SPDYA: variants seen among roughly 807,000 people sequenced by gnomAD.
SPDYA encodes the protein speedy protein A.
A neutral mutation model predicts 36.7 loss-of-function variants in SPDYA; 11 were observed. That is an observed-to-expected ratio of 0.30 (90% confidence interval 0.19 to 0.50). SPDYA has a LOEUF of 0.50. SPDYA is among the 20% of genes least tolerant of loss of function. The pLI, the probability that SPDYA is intolerant of heterozygous loss-of-function variation, is 0.98. For synonymous variants in SPDYA, 115 were observed against 118.7 expected (o/e 0.97, Z 0.20); for missense variants, 287 against 370.9 (o/e 0.77, Z 1.86).
At chr2:28,819,682 T>G (rs1004767766) in intron 4 of SPDYA, among the ~76,000 whole-genome samples, 5 of 151,088 alleles carry the variant, frequency 3.3e-5, no homozygotes, top group African/African-American at 1.2e-4. Context: ...AAATTTGTAT[T>G]TGATTGAAAA....
intron 6 of SPDYA, among the ~76,000 whole-genome samples, chr2:28,838,039 AACTGCTACT>A (rs1371990772): frequency 1.3e-5 from 2 of 152,102 alleles, no homozygotes; most frequent in Non-Finnish European, 2.9e-5. Flanking sequence ...CTAGTACATC[AACTGCTACT>A]AGTGTTTCAG....
At chr2:28,838,365 GA>G (rs1668665161) in intron 6 of SPDYA, among the ~76,000 whole-genome samples, 1 of 151,842 alleles carries the variant, frequency 6.6e-6, no homozygotes, top group Non-Finnish European at 1.5e-5. Context: ...ATTTTTAGTA[GA>G]GATGGGGTTT....
intron 7 of SPDYA, among the ~76,000 whole-genome samples, chr2:28,844,830 G>C (rs1442549699): frequency 1.3e-5 from 2 of 151,994 alleles, no homozygotes; most frequent in Admixed American, 6.6e-5. Context: ...CTACTCGGGA[G>C]GCTGAGACAG....
Position 28,850,573 on chromosome 2 carries a change from C to A in SPDYA, c.*632C>A. The stretch of plus-strand genomic sequence containing the variant: ...CAGTTATTATACAGAAACTATTTGT[C>A]AATGATTATGTAATAAACATATGAT... On this transcript the variant is annotated 3_prime_UTR_variant, in exon 8 of 8. Transcript: ENST00000334056. The A allele has an allele frequency of 1.8e-6, 1 of 559,040 alleles. No homozygotes were observed. The highest frequency in any genetic ancestry group is 3.2e-6 in the Non-Finnish European group (1 of 315,428). The allele number at this position is 559,040 out of a possible 1,614,324, so 34.6% of individuals were successfully genotyped here. A position where few individuals can be genotyped will look rare whatever the true frequency, so the allele number is the denominator to read the frequency against.
chr2:28,841,136 G>A (rs1668742608), intron 7 of SPDYA, among the ~76,000 whole-genome samples: 1 of 151,888 alleles, frequency 6.6e-6, no homozygotes, highest in South Asian at 2.1e-4. Flanking sequence ...ATTTCACCAT[G>A]TTGGCCAGGC....
intron 7 of SPDYA, chr2:28,840,736 T>G (rs901034404): frequency 1.8e-6 from 2 of 1,138,346 alleles, no homozygotes; most frequent in African/African-American, 3.2e-5. Context: ...GCCTGAATCA[T>G]TTTTTTGAAA....
At chr2:28,824,492 C>A (rs72784044) in intron 5 of SPDYA, among the ~76,000 whole-genome samples, 3,065 of 109,818 alleles carry the variant, frequency 0.028, 38 homozygotes, top group Admixed American at 0.043. Flanking sequence ...AAAAAAAAAA[C>A]AAAAAAAAAA....
At chr2:28,831,689 C>T (rs10168338) in intron 6 of SPDYA, among the ~76,000 whole-genome samples, 5,458 of 152,242 alleles carry the variant, frequency 0.036, 352 homozygotes, top group African/African-American at 0.13. Context: ...CTTCTAATAT[C>T]TCCCATCTCT....
Position 28,850,105 on chromosome 2 carries a change from T to C in SPDYA, c.*164T>C, listed in dbSNP as rs1669007769. ...AAGTTATATAAGTCATAGTAATAGC[T>C]AAAAATGCCAATCTATGGAAGCAGT... On this transcript the variant is annotated 3_prime_UTR_variant, in exon 8 of 8. Coordinates refer to ENST00000334056, the MANE Select transcript of SPDYA (RefSeq NM_182756.4). 1 of 1,301,154 alleles carries C rather than the reference T, an allele frequency of 7.7e-7. No homozygotes were observed. 80.6% of individuals were successfully genotyped at this position (1,301,154 alleles called of 1,614,324 possible).
intron 7 of SPDYA, among the ~76,000 whole-genome samples, chr2:28,846,973 T>C (rs1355507001): frequency 2.0e-5 from 3 of 152,150 alleles, no homozygotes; most frequent in Non-Finnish European, 4.4e-5. Flanking sequence ...TTCAAAGCAT[T>C]AAATGAATAA....
rs149516033 is a variant in SPDYA at position 28,829,265 on chromosome 2, G to A, written c.498G>A (p.Gln166=). ...CTAATTTCTTAAAGTTAAGGGACCA[G>A]CTCTGGGATAGAATTGACTATAGGG... ...LFPNFLKLRD[Q]LWDRIDYRAI... Residue 166 remains glutamine (Q), a synonymous_variant, in exon 6 of 8, where the codon CAG becomes CAA. Coordinates refer to ENST00000334056, the MANE Select transcript of SPDYA (RefSeq NM_182756.4). 6.5e-4 allele frequency: 1,056 copies of A among 1,614,070 alleles called. 5 individuals carry two copies. The Middle Eastern group carries it at 8.1e-3, about 12-fold the overall frequency.
intron 6 of SPDYA, 41 bp from the exon 7 acceptor site, chr2:28,840,131 G>A (rs779552259): frequency 1.3e-6 from 2 of 1,549,760 alleles, no homozygotes; most frequent in African/African-American, 2.8e-5. Flanking sequence ...AGTAAATTTT[G>A]AAATATTACT....
At chr2:28,814,247 T>C (rs1211537967) in intron 1 of SPDYA, among the ~76,000 whole-genome samples, 1 of 152,220 alleles carries the variant, frequency 6.6e-6, no homozygotes, top group East Asian at 1.9e-4. Flanking sequence ...TACAAATTAC[T>C]TCATTTTTAA....
At position 28,819,879 on chromosome 2, in the gene SPDYA, T is replaced by A. The variant is rs867123131; in HGVS notation, c.294+773T>A. Among the ~76,000 whole-genome samples, 78 of 37,090 alleles carry A rather than the reference T, an allele frequency of 2.1e-3. 11 individuals are homozygous for A. The highest frequency in any genetic ancestry group is 3.8e-3 in the Non-Finnish European group (69 of 18,312). The allele number at this position is 37,090 out of a possible 152,430, so 24.3% of individuals were successfully genotyped here. On this transcript the variant is annotated intron_variant, in intron 4 of 7. Transcript: ENST00000334056. ...ATATATATATATATATATATATATA[T>A]ATATATATATATATATATATATATT... is the stretch of plus-strand genomic sequence containing the variant.
At chr2:28,821,655 A>T (rs554327277) in intron 4 of SPDYA, among the ~76,000 whole-genome samples, 313 of 152,370 alleles carry the variant, frequency 2.1e-3, no homozygotes, top group Middle Eastern at 0.017. Context: ...CCTTTGTGGC[A>T]AATCCTGTTA....
intron 5 of SPDYA, among the ~76,000 whole-genome samples, chr2:28,823,632 A>G (rs1452543698): frequency 7.3e-6 from 1 of 137,232 alleles, no homozygotes; most frequent in Non-Finnish European, 1.6e-5. Flanking sequence ...TCAGGAAAGA[A>G]AAAAAAAAAA....
At chr2:28,840,095 G>T in intron 6 of SPDYA, 77 bp from the exon 7 acceptor site, 1 of 1,328,378 alleles carries the variant, frequency 7.5e-7, no homozygotes. Context: ...AGTTGTTCTT[G>T]AGTTATAAGT....
Position 28,829,943 on chromosome 2 carries a change from C to CAA in SPDYA, c.552+639_552+640dup, listed in dbSNP as rs1295866091. Among the ~76,000 whole-genome samples, 23 of 20,070 alleles carry CAA rather than the reference C, an allele frequency of 1.1e-3. 1 individual carries two copies. The highest frequency in any genetic ancestry group is 2.0e-3 in the Non-Finnish European group (15 of 7,620). 13.2% of individuals were successfully genotyped at this position (20,070 alleles called of 152,430 possible). A position where few individuals can be genotyped will look rare whatever the true frequency, so the allele number is the denominator to read the frequency against. On this transcript the variant is annotated intron_variant, in intron 6 of 7. Coordinates refer to ENST00000334056, the MANE Select transcript of SPDYA (RefSeq NM_182756.4). ...TGGGCGACAGAGCGAGACTCCATCT[C>CAA]AAAAAAAAAAAAAAAAGAAAAGAAA...
intron 6 of SPDYA, among the ~76,000 whole-genome samples, chr2:28,831,818 C>G (rs1668485126): frequency 6.6e-6 from 1 of 152,110 alleles, no homozygotes. Context: ...ACATGCGTAC[C>G]CCTATATTCT....
Sources: gnomAD v4.1 joint callset for allele counts (sites outside exome capture counted in the v4.1 genomes callset) on GRCh38, gnomAD v4.1.1 for gene constraint, MANE v1.5 for transcripts, NCBI Gene and HGNC (gene_info 2026-07-23, HGNC 2026-07-21) for gene names.